Variants in RNF138 observed in about 807,000 individuals in gnomAD.
RNF138 encodes ring finger protein 138.
Under a neutral mutation model 31.0 loss-of-function variants are expected in RNF138, and 12 were observed. The observed-to-expected ratio is 0.39, with a 90% CI of 0.25 to 0.63. RNF138 has a LOEUF of 0.63. RNF138 is among the 20% of genes least tolerant of loss of function. The probability of loss-of-function intolerance (pLI) is 0.52; values close to 1 mark genes in which losing one functional copy is unlikely to be tolerated. For synonymous variants in RNF138, 105 were observed against 99.5 expected, an observed-to-expected ratio of 1.06 and a Z score of -0.33; for missense variants, 192 against 300.1, an observed-to-expected ratio of 0.64 and a Z score of 2.66.
At position 32,119,426 on chromosome 18, in the gene RNF138, A is replaced by ATTTAT. The variant is rs967150681; in HGVS notation, c.393-4083_393-4079dup. On this transcript the variant is annotated intron_variant, in intron 4 of 7. Coordinates refer to ENST00000261593, the MANE Select transcript of RNF138 (RefSeq NM_016271.5). Reference sequence around the variant, plus strand: ...CCTCTTTCTCATTTTATTTTATTTTATTTATTTTATTTTTTTGAGACAGAG... The same window carrying ATTTAT: ...CCTCTTTCTCATTTTATTTTATTTTATTTATTTTATTTTATTTTTTTGAGACAGAG... 2.7e-5 allele frequency among the ~76,000 whole-genome samples: 4 copies of ATTTAT among 150,764 alleles called. No homozygotes were observed. In the East Asian group the frequency reaches 7.8e-4, roughly 30 times the overall value.
intron 2 of RNF138, among the ~76,000 whole-genome samples, chr18:32,108,607 T>C (rs1457860113): frequency 4.6e-5 from 7 of 152,184 alleles, no homozygotes; most frequent in Non-Finnish European, 7.4e-5. Context: ...TTTGGGGCTA[T>C]TATAAATAGT....
intron 4 of RNF138, among the ~76,000 whole-genome samples, chr18:32,116,276 G>A (rs1228140499): frequency 6.6e-6 from 1 of 152,016 alleles, no homozygotes; most frequent in Non-Finnish European, 1.5e-5. Context: ...CCAAGTGTTA[G>A]CTACTCAGTA....
chr18:32,113,638 C>A, intron 3 of RNF138, 107 bp from the exon 4 acceptor site: 2 of 518,620 alleles, frequency 3.9e-6, no homozygotes, highest in Non-Finnish European at 3.4e-6. Context: ...AATACAACTC[C>A]TGTTTAAATG....
At chr18:32,104,639 AAAATT>A (rs970071200) in intron 2 of RNF138, among the ~76,000 whole-genome samples, 36 of 152,344 alleles carry the variant, frequency 2.4e-4, no homozygotes, top group African/African-American at 8.7e-4. Flanking sequence ...AATCAGATAA[AAAATT>A]AATAGAAGAA....
intron 5 of RNF138, 98 bp from the exon 6 acceptor site, chr18:32,124,636 C>CT (rs960212770): frequency 6.0e-6 from 4 of 668,094 alleles, no homozygotes; most frequent in African/African-American, 3.6e-5. Context: ...ATAATTATAA[C>CT]TTTTTTAAAA....
intron 2 of RNF138, among the ~76,000 whole-genome samples, chr18:32,099,682 A>G (rs1006863565): frequency 6.6e-6 from 1 of 152,194 alleles, no homozygotes; most frequent in African/African-American, 2.4e-5. Context: ...CTAGGATTAC[A>G]GGTGTGAGCC....
intron 2 of RNF138, among the ~76,000 whole-genome samples, chr18:32,098,090 G>C (rs918363497): frequency 1.3e-5 from 2 of 151,856 alleles, no homozygotes; most frequent in Non-Finnish European, 2.9e-5. Flanking sequence ...TGGTTCAAGC[G>C]ATTCTACTCC....
At chr18:32,119,507 C>T (rs2040270062) in intron 4 of RNF138, among the ~76,000 whole-genome samples, 1 of 152,164 alleles carries the variant, frequency 6.6e-6, no homozygotes, top group South Asian at 2.1e-4. Flanking sequence ...TCACTACAAC[C>T]TCTGCCTCTG....
intron 2 of RNF138, among the ~76,000 whole-genome samples, chr18:32,101,692 A>C (rs1383777203): frequency 6.6e-6 from 1 of 152,194 alleles, no homozygotes; most frequent in South Asian, 2.1e-4. Flanking sequence ...TTGCTTTCCC[A>C]AAAATTGAGC....
intron 5 of RNF138, 70 bp from the exon 6 acceptor site, chr18:32,124,664 C>T (rs983131409): frequency 1.3e-5 from 10 of 783,278 alleles, no homozygotes; most frequent in Non-Finnish European, 2.2e-5. Flanking sequence ...AGTGATTCCT[C>T]AAAAAATAGG....
intron 2 of RNF138, among the ~76,000 whole-genome samples, chr18:32,109,818 A>T (rs911943523): frequency 1.3e-5 from 2 of 152,160 alleles, no homozygotes; most frequent in Non-Finnish European, 2.9e-5. Flanking sequence ...CCCTGGAGGC[A>T]GAGGTTGCAG....
At chr18:32,122,545 CA>C (rs1277740427) in intron 4 of RNF138, 6 of 152,098 alleles carry the variant, frequency 3.9e-5, no homozygotes, top group African/African-American at 1.4e-4. Context: ...CACATTGGGC[CA>C]GGCGCGGTGG....
intron 4 of RNF138, among the ~76,000 whole-genome samples, chr18:32,121,508 A>T (rs2040305617): frequency 6.6e-6 from 1 of 152,118 alleles, no homozygotes; most frequent in African/African-American, 2.4e-5. Context: ...AAAAAGAAAA[A>T]AGTTTTAATC....
At chr18:32,111,068 C>A (rs2040120688) in intron 2 of RNF138, among the ~76,000 whole-genome samples, 1 of 152,236 alleles carries the variant, frequency 6.6e-6, no homozygotes, top group Admixed American at 6.5e-5. Flanking sequence ...GCGTGAGCCA[C>A]CGTGCCCGGC....
At chr18:32,114,544 C>CCGTA (rs1256278401) in intron 4 of RNF138, among the ~76,000 whole-genome samples, 1 of 152,142 alleles carries the variant, frequency 6.6e-6, no homozygotes, top group Non-Finnish European at 1.5e-5. Context: ...CCCATTTGAA[C>CCGTA]CGTACACTCC....
intron 2 of RNF138, among the ~76,000 whole-genome samples, chr18:32,097,321 G>T (rs1365585227): frequency 6.6e-6 from 1 of 152,096 alleles, no homozygotes; most frequent in Non-Finnish European, 1.5e-5. Flanking sequence ...AATCTAATCT[G>T]TTTTTGCTTT....
Position 32,113,838 on chromosome 18 carries a change from T to G in RNF138, c.370T>G (p.Ser124Ala). 6.6e-7 allele frequency: 1 copy of G among 1,522,888 alleles called. No homozygotes were observed. 94.3% of individuals were successfully genotyped at this position (1,522,888 alleles called of 1,614,324 possible). Reference sequence around the variant, plus strand: ...TTCTATCATTCCAAACTTTCAGATCTCTCAAGATTCAGTAGGGAACAGGTA... The same window carrying G: ...TTCTATCATTCCAAACTTTCAGATCGCTCAAGATTCAGTAGGGAACAGGTA... ...VSSIIPNFQI[S>A]QDSVGNSNRS... The change falls in exon 4 of 8, where the codon TCT becomes GCT. Residue 124 changes from serine to alanine, a missense_variant. Physicochemically the swap from Ser to Ala is moderately conservative, Grantham distance 99. This residue lies in a region of RNF138 where 140 missense variants were observed against 251.7 expected (regional missense o/e 0.56). Transcript: ENST00000261593.
intron 2 of RNF138, among the ~76,000 whole-genome samples, chr18:32,105,447 A>C (rs1456129169): frequency 6.6e-6 from 1 of 152,242 alleles, no homozygotes; most frequent in African/African-American, 2.4e-5. Flanking sequence ...TACAGAGTCC[A>C]GAAATAGTTC....
intron 2 of RNF138, among the ~76,000 whole-genome samples, chr18:32,106,861 C>T (rs867095690): frequency 2.0e-4 from 30 of 151,790 alleles, no homozygotes; most frequent in Middle Eastern, 3.4e-3. Context: ...CCACCGCGCC[C>T]GGCTGAAAAA....
Sources: gnomAD v4.1 joint callset for allele counts (sites outside exome capture counted in the v4.1 genomes callset) on GRCh38, gnomAD v4.1.1 for gene constraint, gnomAD v4.1.1 regional missense constraint, MANE v1.5 for transcripts, NCBI Gene and HGNC (gene_info 2026-07-23, HGNC 2026-07-21) for gene names.